The following PLEKHM2 variants were observed in gnomAD, a reference collection of about 807,000 sequenced individuals.
PLEKHM2 encodes pleckstrin homology domain-containing family M member 2.
PLEKHM2 carries 77 observed loss-of-function variants against 116.3 expected under a neutral mutation model. That is an observed-to-expected ratio of 0.66 (90% CI 0.55 to 0.80). The LOEUF is 0.80. Among genes scored for constraint, PLEKHM2 ranks in the 30% least tolerant of loss-of-function variants. The pLI is 0.00. For missense variants in PLEKHM2, 1,183 were observed against 1,354.9 expected, an observed-to-expected ratio of 0.87 and a Z score of 1.99; for synonymous variants, 562 against 571.0, an observed-to-expected ratio of 0.98 and a Z score of 0.22.
At position 15,732,062 on chromosome 1, in the gene PLEKHM2, G is replaced by GC; in HGVS notation, c.2625+18dup. Reference sequence around the variant, plus strand: ...GTGTCCAAAGGGGTGAGCTTCGCCTGCCCCTACCGCTCACCTGGCTTGCCT... The same window carrying GC: ...GTGTCCAAAGGGGTGAGCTTCGCCTGCCCCCTACCGCTCACCTGGCTTGCCT... On this transcript the variant is annotated intron_variant, in intron 17 of 19. Transcript: ENST00000375799. 6.2e-7 allele frequency: 1 copy of GC among 1,605,732 alleles called. No homozygotes were observed. The highest frequency in any genetic ancestry group is 8.5e-7 in the Non-Finnish European group (1 of 1,175,210).
At chr1:15,726,393 T>C (rs1450742143) in intron 8 of PLEKHM2, among the ~76,000 whole-genome samples, 1 of 152,218 alleles carries the variant, frequency 6.6e-6, no homozygotes, top group African/African-American at 2.4e-5. Context: ...CGTGTCAGAC[T>C]GCCCAGGCTT....
intron 4 of PLEKHM2, among the ~76,000 whole-genome samples, chr1:15,718,312 C>A (rs34822617): frequency 1.3e-5 from 2 of 152,134 alleles, no homozygotes; most frequent in African/African-American, 4.8e-5. Context: ...CCTGACAAGC[C>A]TTGTGCTCGT....
Position 15,727,021 on chromosome 1 carries a change from A to G in PLEKHM2, c.949A>G (p.Lys317Glu). 6.8e-7 allele frequency: 1 copy of G among 1,472,618 alleles called. No homozygotes were observed. The highest frequency in any genetic ancestry group is 1.4e-5 in the South Asian group (1 of 69,172). The allele number at this position is 1,472,618 out of a possible 1,614,324, so 91.2% of individuals were successfully genotyped here. A position where few individuals can be genotyped will look rare whatever the true frequency, so the allele number is the denominator to read the frequency against. Residue 317 changes from lysine (K) to glutamate (E), a missense_variant, in exon 9 of 20, where the codon AAG (lysine) becomes GAG (glutamate). By Grantham distance (56) the Lys-to-Glu change is moderately conservative (BLOSUM62 1). This residue lies in a region of PLEKHM2 where 372 missense variants were observed against 357.2 expected (regional missense o/e 1.04). Transcript: ENST00000375799. This position sits in a 1 kb window ranked among gnomAD's most constrained non-coding sequence, Gnocchi z 7.5. ...CTELEVIRVT[K>E]KKKIGKKKKS... ...CCGTCGTTACTGTCCCAGGGTCACC[A>G]AGAAGAAGAAAATTGGCAAGAAGAA...
At position 15,684,522 on chromosome 1, in the gene PLEKHM2, CGGTGGCGGT is replaced by C. The variant is rs764217299; in HGVS notation, c.-34_-26del. 8.9e-5 allele frequency: 96 copies of C among 1,080,040 alleles called. No individual in the cohort carries two copies. The East Asian group carries it at 2.3e-3, about 26-fold the overall frequency. The allele number at this position is 1,080,040 out of a possible 1,614,324, so 66.9% of individuals were successfully genotyped here. A position where few individuals can be genotyped will look rare whatever the true frequency, so the allele number is the denominator to read the frequency against. ...GGAAGCGGCGGCGGGGCGGCGGCGG[CGGTGGCGGT>C]GGCGGTGGCGGCGACGGTGGCAGCG... is the stretch of plus-strand genomic sequence containing the variant. On this transcript the variant is annotated 5_prime_UTR_variant, in exon 1 of 20. Transcript: ENST00000375799.
intron 1 of PLEKHM2, among the ~76,000 whole-genome samples, chr1:15,687,490 A>G (rs1640797537): frequency 6.6e-6 from 1 of 152,172 alleles, no homozygotes; most frequent in Non-Finnish European, 1.5e-5. Flanking sequence ...AGTGTTTAGC[A>G]TGGATCCTGG....
Position 15,728,398 on chromosome 1 carries a change from GCTGA to G in PLEKHM2, c.1921+44_1921+47del. 6.4e-7 allele frequency: 1 copy of G among 1,553,832 alleles called. No homozygotes were observed. The highest frequency in any genetic ancestry group is 8.8e-7 in the Non-Finnish European group (1 of 1,132,622). ...GGGCAGACAGCGGGTTGTAGACGAGGCTGACTCTCAGCCCCTTTTCCCCAGTCCC... is the reference window on the plus strand; with the variant it reads ...GGGCAGACAGCGGGTTGTAGACGAGGCTCTCAGCCCCTTTTCCCCAGTCCC... On this transcript the variant is annotated intron_variant, in intron 11 of 19. Transcript: ENST00000375799. The surrounding 1 kb of genome is among the most constrained non-coding windows in gnomAD (Gnocchi z 5.9).
intron 1 of PLEKHM2, among the ~76,000 whole-genome samples, chr1:15,689,567 G>A (rs757418403): frequency 1.3e-5 from 2 of 152,298 alleles, no homozygotes; most frequent in East Asian, 1.9e-4. Context: ...ACCACTGTTC[G>A]CATCAGCAGT....
rs201347347 is a variant in PLEKHM2 at position 15,717,936 on chromosome 1, G to A, written c.321G>A (p.Glu107=). 6.7e-5 allele frequency: 107 copies of A among 1,601,280 alleles called. No individual in the cohort carries two copies. Among genetic ancestry groups the A allele is most frequent in the Non-Finnish European group, 6.9e-5 (81 of 1,173,824 alleles). ...LYLALNENSL[E]SYLRLFQENL... ...TGGCCCTCAACGAGAACTCCTTGGAGAGCTACCTGCGGTTGTTCCAGGAGA... is the reference window on the plus strand; with the variant it reads ...TGGCCCTCAACGAGAACTCCTTGGAAAGCTACCTGCGGTTGTTCCAGGAGA... Residue 107 remains glutamate, a synonymous_variant, in exon 4 of 20, where the codon GAG becomes GAA. Transcript: ENST00000375799.
chr1:15,701,664 G>A (rs1321044521), intron 1 of PLEKHM2, among the ~76,000 whole-genome samples: 1 of 151,754 alleles, frequency 6.6e-6, no homozygotes, highest in Non-Finnish European at 1.5e-5. Context: ...GGTGGCGGGC[G>A]CCTGTAGTCC....
intron 1 of PLEKHM2, 48 bp from the exon 2 acceptor site, chr1:15,716,189 C>T (rs765903599): frequency 8.5e-7 from 1 of 1,172,606 alleles, no homozygotes. Flanking sequence ...CTTTTGTAGC[C>T]TTCCTCTTAA....
intron 1 of PLEKHM2, among the ~76,000 whole-genome samples, chr1:15,707,436 C>T (rs1044928179): frequency 6.6e-6 from 1 of 152,054 alleles, no homozygotes; most frequent in African/African-American, 2.4e-5. Flanking sequence ...AAACACTGCT[C>T]CACTTGCCGT....
rs544673071 is a variant in PLEKHM2 at position 15,726,065 on chromosome 1, C to T, written c.941+520C>T. ...ATTCACTCCATTGTAGGGCTCAAGC[C>T]CTTGGAAGCAGGTGGCACAGGCAGC... On this transcript the variant is annotated intron_variant, in intron 8 of 19. Coordinates refer to ENST00000375799, the MANE Select transcript of PLEKHM2 (RefSeq NM_015164.4). Among the ~76,000 whole-genome samples the T allele has an allele frequency of 2.0e-5, 3 of 152,262 alleles. No homozygotes were observed. The South Asian group carries it at 6.2e-4, about 32-fold the overall frequency.
chr1:15,686,688 G>A lies in PLEKHM2; in HGVS notation c.60+2070G>A, dbSNP rs184464888. 1.5e-3 allele frequency among the ~76,000 whole-genome samples: 205 copies of A among 139,320 alleles called. 1 individual carries two copies. The highest frequency in any genetic ancestry group is 2.3e-3 in the Non-Finnish European group (151 of 66,638). The allele number at this position is 139,320 out of a possible 152,430, so 91.4% of individuals were successfully genotyped here. A position where few individuals can be genotyped will look rare whatever the true frequency, so the allele number is the denominator to read the frequency against. On this transcript the variant is annotated intron_variant, in intron 1 of 19. Transcript: ENST00000375799. ...TTTTGAGACGGAGTCTCGCTCTGTC[G>A]CCCAGGTTAGAATGCAGTGGCCTGA... is the stretch of plus-strand genomic sequence containing the variant.
chr1:15,725,706 G>A (rs1403902806), intron 8 of PLEKHM2, 161 bp downstream of exon 8: 2 of 609,862 alleles, frequency 3.3e-6, no homozygotes, highest in Non-Finnish European at 5.8e-6. Context: ...TTGAGCAAGA[G>A]GAAGTGGAGG....
At chr1:15,731,831 G>A (rs1246519234) in intron 16 of PLEKHM2, 58 bp from the exon 17 acceptor site, 6 of 1,474,102 alleles carry the variant, frequency 4.1e-6, no homozygotes, top group African/African-American at 1.4e-5. Context: ...CCTGGGGGCT[G>A]TCGCCCCGTG....
chr1:15,706,791 A>G (rs1641235741), intron 1 of PLEKHM2, among the ~76,000 whole-genome samples: 1 of 150,600 alleles, frequency 6.6e-6, no homozygotes, highest in African/African-American at 2.4e-5. Flanking sequence ...AGCACTTACT[A>G]CTCCCTGATG....
chr1:15,716,134 A>G (rs1641437943), intron 1 of PLEKHM2, 103 bp from the exon 2 acceptor site: 6 of 694,746 alleles, frequency 8.6e-6, no homozygotes. Flanking sequence ...CATTGTGGAT[A>G]CACCATTTGA....
chr1:15,697,017 A>G (rs1227119112), intron 1 of PLEKHM2, among the ~76,000 whole-genome samples: 3 of 152,024 alleles, frequency 2.0e-5, no homozygotes, highest in South Asian at 2.1e-4. Context: ...CCTTGGCCAT[A>G]CTTGGGTTGT....
intron 8 of PLEKHM2, chr1:15,725,850 ATTCAC>A: frequency 4.8e-6 from 2 of 419,772 alleles, no homozygotes; most frequent in South Asian, 6.0e-5. Flanking sequence ...CTGATGAGGG[ATTCAC>A]AGATGTCCCT....
Sources: gnomAD v4.1 joint callset for allele counts (sites outside exome capture counted in the v4.1 genomes callset) on GRCh38, gnomAD v4.1.1 for gene constraint, gnomAD v4.1.1 regional missense constraint, Gnocchi (gnomAD v3.1) non-coding constraint, MANE v1.5 for transcripts, NCBI Gene and HGNC (gene_info 2026-07-23, HGNC 2026-07-21) for gene names.